NEBL: variants seen among roughly 807,000 people sequenced by gnomAD.
NEBL encodes the protein LIM and SH3 protein 2.
A neutral mutation model predicts 140.2 loss-of-function variants in NEBL; 122 were observed. The ratio of observed to expected loss-of-function variants is 0.87; its 90% CI spans 0.75 to 1.01. NEBL has a LOEUF of 1.01. NEBL is among the 50% of genes least tolerant of loss of function. The pLI, the probability that NEBL is intolerant of heterozygous loss-of-function variation, is 0.00. For synonymous variants in NEBL, 436 were observed against 398.9 expected (o/e 1.09, Z -1.11); for missense variants, 1,365 against 1,231.3 (o/e 1.11, Z -1.62).
chr10:21,233,855 T>C (rs1842304850), intron 3 of NEBL, among the ~76,000 whole-genome samples: 1 of 114,436 alleles, frequency 8.7e-6, no homozygotes, highest in Non-Finnish European at 2.1e-5. Flanking sequence ...ATTACATATA[T>C]AGATATATAT....
At chr10:21,231,614 A>G (rs1246305293) in intron 3 of NEBL, among the ~76,000 whole-genome samples, 1 of 151,660 alleles carries the variant, frequency 6.6e-6, no homozygotes, top group Non-Finnish European at 1.5e-5. Context: ...GCAAGGGAAC[A>G]GTATTACAGT....
At chr10:21,195,639 A>G (rs541113979) in intron 3 of NEBL, among the ~76,000 whole-genome samples, 3 of 152,192 alleles carry the variant, frequency 2.0e-5, no homozygotes, top group Non-Finnish European at 4.4e-5. Flanking sequence ...CACTGTTTTT[A>G]TACCATGTAA....
chr10:21,257,906 A>C (rs1842682108), intron 1 of NEBL, among the ~76,000 whole-genome samples: 2 of 135,750 alleles, frequency 1.5e-5, no homozygotes, highest in Non-Finnish European at 3.0e-5. Flanking sequence ...CCCCAAAAAA[A>C]AAACATCAAA....
chr10:21,167,317 T>C (rs1242898960), intron 2 of NEBL, among the ~76,000 whole-genome samples: 1 of 152,244 alleles, frequency 6.6e-6, no homozygotes, highest in Non-Finnish European at 1.5e-5. Context: ...ACTGGATACT[T>C]CTGTTCTTTT....
At chr10:20,984,742 C>A (rs189484999) in intron 3 of NEBL, among the ~76,000 whole-genome samples, 1 of 152,016 alleles carries the variant, frequency 6.6e-6, no homozygotes, top group Non-Finnish European at 1.5e-5. Context: ...CCCCAGGCCA[C>A]GGACTGGTAC....
chr10:21,231,663 C>T (rs1430056566), intron 3 of NEBL, among the ~76,000 whole-genome samples: 1 of 152,092 alleles, frequency 6.6e-6, no homozygotes, highest in East Asian at 1.9e-4. Context: ...TGAACAGGGG[C>T]ATGAAGATCT....
intron 3 of NEBL, among the ~76,000 whole-genome samples, chr10:21,180,314 T>C (rs1841367153): frequency 6.6e-6 from 1 of 152,154 alleles, no homozygotes; most frequent in Admixed American, 6.5e-5. Context: ...CTGATCTCTC[T>C]TTAGGGAAAT....
intron 2 of NEBL, among the ~76,000 whole-genome samples, chr10:21,095,150 G>T (rs1837126539): frequency 6.6e-6 from 1 of 152,164 alleles, no homozygotes; most frequent in Non-Finnish European, 1.5e-5. Flanking sequence ...ATCTAGAGGT[G>T]GGGCCCATGA....
At position 20,875,521 on chromosome 10, in the gene NEBL, G is replaced by A. The variant is rs191571639; in HGVS notation, c.480+5273C>T. 3.7e-3 allele frequency among the ~76,000 whole-genome samples: 565 copies of A among 152,308 alleles called. 6 individuals carry two copies. Among genetic ancestry groups the A allele is most frequent in the African/African-American group, 0.013 (527 of 41,564 alleles). ...GTATAGGCAGACACATGTGCAGCTG[G>A]AGGATTCACAGTGGCCTTCCAGCAA... is the stretch of plus-strand genomic sequence containing the variant. On this transcript the variant is annotated intron_variant, in intron 5 of 27. Coordinates refer to ENST00000377122, the MANE Select transcript of NEBL (RefSeq NM_006393.3).
At chr10:20,809,690 C>A (rs982124085) in intron 25 of NEBL, 116 bp downstream of exon 25, 3 of 891,384 alleles carry the variant, frequency 3.4e-6, no homozygotes, top group South Asian at 1.5e-5. Flanking sequence ...TTTTGGTTTG[C>A]CAAATTCTCA....
chr10:21,112,510 G>A (rs534798774), intron 2 of NEBL, among the ~76,000 whole-genome samples: 4 of 138,872 alleles, frequency 2.9e-5, no homozygotes, highest in South Asian at 4.5e-4. Flanking sequence ...AACACCACAT[G>A]TTCTCACTCA....
chr10:20,887,174 T>G (rs1247868539), intron 4 of NEBL, among the ~76,000 whole-genome samples: 1 of 152,204 alleles, frequency 6.6e-6, no homozygotes, highest in East Asian at 1.9e-4. Context: ...GCCTTATGTG[T>G]TGATATGCTA....
At chr10:20,794,858 C>T (rs1836354483) in intron 26 of NEBL, among the ~76,000 whole-genome samples, 2 of 152,176 alleles carry the variant, frequency 1.3e-5, no homozygotes, top group African/African-American at 4.8e-5. Context: ...TTTTTCCTTA[C>T]AATGTTCCAG....
At chr10:21,030,210 G>C (rs745817007) in intron 2 of NEBL, 3 of 513,598 alleles carry the variant, frequency 5.8e-6, no homozygotes, top group Admixed American at 2.7e-5. Context: ...TGACGGCCTC[G>C]GGAGAGACAC....
At chr10:21,052,344 A>G (rs999539410) in intron 2 of NEBL, among the ~76,000 whole-genome samples, 4 of 152,232 alleles carry the variant, frequency 2.6e-5, no homozygotes, top group African/African-American at 7.2e-5. Context: ...GCATTTTGCT[A>G]AAAGAAGCTA....
chr10:21,270,910 A>C (rs1170811738), intron 1 of NEBL, among the ~76,000 whole-genome samples: 1 of 152,184 alleles, frequency 6.6e-6, no homozygotes, highest in Non-Finnish European at 1.5e-5. Flanking sequence ...GGATCTCCTC[A>C]TCTCTGTTGG....
chr10:20,965,328 G>A (rs978711476), intron 3 of NEBL, among the ~76,000 whole-genome samples: 55 of 152,236 alleles, frequency 3.6e-4, no homozygotes, highest in African/African-American at 1.1e-3. Flanking sequence ...ACAAGGGGAC[G>A]TGAAGTGTCA....
At chr10:21,097,225 G>GGA (rs943038814) in intron 2 of NEBL, among the ~76,000 whole-genome samples, 5 of 149,144 alleles carry the variant, frequency 3.4e-5, no homozygotes, top group African/African-American at 1.3e-4. Context: ...GGTCCGGGGG[G>GGA]GGGGTGGGGC....
intron 2 of NEBL, among the ~76,000 whole-genome samples, chr10:21,072,840 A>G (rs999113317): frequency 6.6e-6 from 1 of 152,182 alleles, no homozygotes; most frequent in South Asian, 2.1e-4. Context: ...AAAATACAAA[A>G]GTTAGCCAGG....
Sources: gnomAD v4.1 joint callset for allele counts (sites outside exome capture counted in the v4.1 genomes callset) on GRCh38, gnomAD v4.1.1 for gene constraint, MANE v1.5 for transcripts, NCBI Gene and HGNC (gene_info 2026-07-23, HGNC 2026-07-21) for gene names.